FAM53B: variants seen among roughly 807,000 people sequenced by gnomAD.
FAM53B encodes the protein family with sequence similarity 53 member B.
In FAM53B, 12 loss-of-function variants were observed where a neutral mutation model predicts 32.7. That is an observed-to-expected ratio of 0.37 (90% CI 0.24 to 0.59). The LOEUF is 0.59. Among genes scored for constraint, FAM53B ranks in the 20% least tolerant of loss-of-function variants. The probability of loss-of-function intolerance (pLI) is 0.72; values close to 1 mark genes in which losing one functional copy is unlikely to be tolerated. For synonymous variants in FAM53B, 234 were observed against 228.7 expected, an observed-to-expected ratio of 1.02 and a Z score of -0.21; for missense variants, 477 against 577.7, an observed-to-expected ratio of 0.83 and a Z score of 1.79.
intron 1 of FAM53B, among the ~76,000 whole-genome samples, chr10:124,732,599 C>A (rs1410447000): frequency 1.3e-5 from 2 of 152,250 alleles, no homozygotes; most frequent in African/African-American, 4.8e-5. Context: ...TGGCTCACAC[C>A]TGTAATCCCA....
At chr10:124,694,121 C>A (rs11245332) in intron 3 of FAM53B, among the ~76,000 whole-genome samples, 2 of 152,138 alleles carry the variant, frequency 1.3e-5, no homozygotes, top group African/African-American at 4.8e-5. Flanking sequence ...AACGGCTCCC[C>A]GCTTCTCCCT....
rs1950075351 is a variant in FAM53B at position 124,722,454 on chromosome 10, G to T, written c.-174-15567C>A. On this transcript the variant is annotated intron_variant, in intron 1 of 4. Coordinates refer to ENST00000337318, the MANE Select transcript of FAM53B (RefSeq NM_014661.4). ...CAGTGGGTATATTAAGCTCCCATTTGGGTGAAACTAAATAAATAATTGTGC... is the reference window on the plus strand; with the variant it reads ...CAGTGGGTATATTAAGCTCCCATTTTGGTGAAACTAAATAAATAATTGTGC... 1.3e-5 allele frequency among the ~76,000 whole-genome samples: 2 copies of T among 152,158 alleles called. 1 individual carries two copies. The highest frequency in any genetic ancestry group is 4.1e-4 in the South Asian group (2 of 4,828).
chr10:124,688,555 A>G (rs1949815700), intron 3 of FAM53B, among the ~76,000 whole-genome samples: 2 of 152,190 alleles, frequency 1.3e-5, no homozygotes, highest in Non-Finnish European at 2.9e-5. Flanking sequence ...GTCTCTTCCA[A>G]AGCTGAGGTT....
At chr10:124,625,509 C>T (rs1254316904) in intron 4 of FAM53B, among the ~76,000 whole-genome samples, 1 of 152,182 alleles carries the variant, frequency 6.6e-6, no homozygotes, top group African/African-American at 2.4e-5. Context: ...GAGACGGCGA[C>T]CCCTGCACAA....
chr10:124,656,548 T>C (rs1419880106), intron 4 of FAM53B, among the ~76,000 whole-genome samples: 2 of 152,188 alleles, frequency 1.3e-5, no homozygotes, highest in African/African-American at 2.4e-5. Context: ...GAAACGACTG[T>C]TGTTCACGGA....
At chr10:124,648,401 T>C (rs1466605046) in intron 4 of FAM53B, among the ~76,000 whole-genome samples, 2 of 152,232 alleles carry the variant, frequency 1.3e-5, no homozygotes, top group Non-Finnish European at 2.9e-5. Flanking sequence ...TGGGGTAGGA[T>C]GGGCTGCGGC....
At chr10:124,652,021 G>A (rs539730121) in intron 4 of FAM53B, among the ~76,000 whole-genome samples, 10 of 152,300 alleles carry the variant, frequency 6.6e-5, no homozygotes, top group Admixed American at 5.9e-4. Flanking sequence ...CTTTCCAAAG[G>A]GCATACCTGG....
At chr10:124,696,055 TGAAC>T in intron 3 of FAM53B, 99 bp downstream of exon 3, 1 of 957,730 alleles carries the variant, frequency 1.0e-6, no homozygotes, top group Non-Finnish European at 1.7e-6. Context: ...CTGCTCTTTT[TGAAC>T]TTGTGTCCAG....
chr10:124,713,629 T>G (rs966461710), intron 1 of FAM53B: 11 of 152,230 alleles, frequency 7.2e-5, no homozygotes, highest in African/African-American at 1.9e-4. Flanking sequence ...TTAAGAAGAT[T>G]AGAAGTTTAC....
chr10:124,726,366 T>A (rs976472564), intron 1 of FAM53B, among the ~76,000 whole-genome samples: 11 of 152,062 alleles, frequency 7.2e-5, no homozygotes, highest in African/African-American at 2.7e-4. Flanking sequence ...GCTCCAACAG[T>A]CCCTAGAATG....
intron 3 of FAM53B, among the ~76,000 whole-genome samples, chr10:124,686,113 C>T (rs548293231): frequency 1.3e-5 from 2 of 152,234 alleles, no homozygotes; most frequent in Non-Finnish European, 2.9e-5. Context: ...ACTCCTCCCC[C>T]CAGCTTTGTG....
At position 124,623,546 on chromosome 10, in the gene FAM53B, G is replaced by A; in HGVS notation, c.965C>T (p.Pro322Leu). ...CLSAGTEDCG[P>L]QSPFARHVSN... ...GACGTGGCGGGCGAAGGGGCTCTGG[G>A]GACCGCAGTCCTCTGTCCCTGCGCT... The change falls in exon 5 of 5, where the codon CCC becomes CTC. Residue 322 changes from proline to leucine, a missense_variant. Coordinates refer to ENST00000337318, the MANE Select transcript of FAM53B (RefSeq NM_014661.4). The A allele has an allele frequency of 6.3e-7, 1 of 1,576,746 alleles. No individual in the cohort carries two copies. Among genetic ancestry groups the A allele is most frequent in the Non-Finnish European group, 8.6e-7 (1 of 1,162,734 alleles).
intron 3 of FAM53B, among the ~76,000 whole-genome samples, chr10:124,695,264 G>A (rs933708064): frequency 2.0e-5 from 3 of 152,100 alleles, no homozygotes; most frequent in African/African-American, 7.2e-5. Context: ...CCGGCAAGAC[G>A]TCCCCAAAGG....
At chr10:124,689,863 G>A (rs1261714360) in intron 3 of FAM53B, among the ~76,000 whole-genome samples, 1 of 152,200 alleles carries the variant, frequency 6.6e-6, no homozygotes, top group African/African-American at 2.4e-5. Context: ...CACAAGGCTG[G>A]GTAGACTAGG....
intron 4 of FAM53B, among the ~76,000 whole-genome samples, chr10:124,626,006 G>C (rs1397700236): frequency 2.0e-5 from 3 of 152,238 alleles, no homozygotes; most frequent in Non-Finnish European, 4.4e-5. Context: ...GAGCAGCCCG[G>C]ATGACATGCT....
chr10:124,743,375 C>A (rs1346475893), intron 1 of FAM53B, among the ~76,000 whole-genome samples: 2 of 152,186 alleles, frequency 1.3e-5, no homozygotes, highest in Non-Finnish European at 2.9e-5. Flanking sequence ...CACGCCGGCG[C>A]GGACGCCCCC....
chr10:124,671,296 C>T (rs1003149319), intron 4 of FAM53B: 8 of 425,938 alleles, frequency 1.9e-5, no homozygotes, highest in Non-Finnish European at 3.5e-5. Flanking sequence ...TTGCCCCAGC[C>T]CTGTGCGGCC....
At chr10:124,676,161 C>T (rs1949735283) in intron 4 of FAM53B, among the ~76,000 whole-genome samples, 1 of 152,230 alleles carries the variant, frequency 6.6e-6, no homozygotes, top group Admixed American at 6.5e-5. Context: ...AGCAACTACT[C>T]TCGTGTGCCT....
At position 124,623,395 on chromosome 10, in the gene FAM53B, G is replaced by C. The variant is rs755687507; in HGVS notation, c.1116C>G (p.Asp372Glu). Residue 372 changes from aspartate (D) to glutamate (E), a missense_variant, in exon 5 of 5, where the codon GAC (aspartate) becomes GAG (glutamate). Around this residue, in one of 2 missense-constraint regions of FAM53B, gnomAD observed 165 missense variants for 157.5 expected, o/e 1.05. Coordinates refer to ENST00000337318, the MANE Select transcript of FAM53B (RefSeq NM_014661.4). ...AGCTGTCTGACTCCTCACAGGACAG[G>C]TCCTCCTGGCAGGCGAGGTGGTCGT... The part of the protein sequence containing the change: ...SFDDHLACQE[D>E]LSCEESDSCA... 6.2e-7 allele frequency: 1 copy of C among 1,612,096 alleles called. No homozygotes were observed. The highest frequency in any genetic ancestry group is 1.1e-5 in the South Asian group (1 of 91,080).
Sources: allele counts gnomAD v4.1 joint callset (sites outside exome capture counted in the v4.1 genomes callset), GRCh38; gene constraint gnomAD v4.1.1; regional missense constraint gnomAD v4.1.1; transcripts MANE v1.5; gene names NCBI Gene and HGNC (gene_info 2026-07-23, HGNC 2026-07-21).